Variants in CTNND2 observed in about 807,000 individuals in gnomAD.
CTNND2 encodes the protein catenin delta 2.
A neutral mutation model predicts 144.4 loss-of-function variants in CTNND2; 22 were observed. That is an observed-to-expected ratio of 0.15 (90% CI 0.11 to 0.22). The LOEUF is 0.22. CTNND2 is among the 10% of genes least tolerant of loss of function. The pLI, the probability that CTNND2 is intolerant of heterozygous loss-of-function variation, is 1.00. For synonymous variants in CTNND2, 751 were observed against 695.6 expected (o/e 1.08, Z -1.25); for missense variants, 1,353 against 1,618.8 (o/e 0.84, Z 2.82).
intron 9 of CTNND2, among the ~76,000 whole-genome samples, chr5:11,321,564 G>A (rs1380206737): frequency 4.6e-5 from 7 of 152,172 alleles, no homozygotes; most frequent in Non-Finnish European, 2.9e-5. Context: ...AAGGCATCTT[G>A]AGAATGATGT....
At chr5:11,809,940 C>G (rs187333446) in intron 1 of CTNND2, among the ~76,000 whole-genome samples, 5 of 152,250 alleles carry the variant, frequency 3.3e-5, no homozygotes, top group Admixed American at 1.3e-4. Context: ...TAAATGCTGG[C>G]CTTGAAAATC....
chr5:11,168,197 T>C (rs1045760259), intron 11 of CTNND2, among the ~76,000 whole-genome samples: 40 of 152,182 alleles, frequency 2.6e-4, no homozygotes, highest in African/African-American at 9.7e-4. Flanking sequence ...ATACATATCC[T>C]AGTTTCTTTA....
chr5:11,881,276 C>T (rs1282232176), intron 1 of CTNND2, among the ~76,000 whole-genome samples: 1 of 151,888 alleles, frequency 6.6e-6, no homozygotes, highest in African/African-American at 2.4e-5. Flanking sequence ...TCACTTCAAA[C>T]ATTTATTACT....
chr5:11,150,218 A>G (rs1757614990), intron 12 of CTNND2, among the ~76,000 whole-genome samples: 2 of 152,118 alleles, frequency 1.3e-5, no homozygotes, highest in South Asian at 4.1e-4. Flanking sequence ...GCACAGGGCA[A>G]TGGAAAAGAA....
intron 9 of CTNND2, among the ~76,000 whole-genome samples, chr5:11,279,889 A>G (rs1026204027): frequency 3.3e-5 from 5 of 152,150 alleles, no homozygotes; most frequent in African/African-American, 1.2e-4. Context: ...CTCACTCACT[A>G]TTGCGAGCCC....
At chr5:11,899,548 T>C (rs1432218315) in intron 1 of CTNND2, among the ~76,000 whole-genome samples, 2 of 152,126 alleles carry the variant, frequency 1.3e-5, no homozygotes, top group African/African-American at 4.8e-5. Flanking sequence ...ACAATAGGGG[T>C]TGGGGTAGGG....
intron 9 of CTNND2, among the ~76,000 whole-genome samples, chr5:11,244,276 T>C (rs1211943498): frequency 6.9e-6 from 1 of 145,332 alleles, no homozygotes; most frequent in Non-Finnish European, 1.5e-5. Context: ...AGCTGTCCTA[T>C]ACAATTTTTT....
At chr5:11,075,756 A>G (rs1257363550) in intron 16 of CTNND2, among the ~76,000 whole-genome samples, 1 of 152,250 alleles carries the variant, frequency 6.6e-6, no homozygotes. Context: ...AAGCATTACT[A>G]TTTCCTTTCC....
chr5:11,178,138 T>C (rs1051100524), intron 11 of CTNND2, among the ~76,000 whole-genome samples: 3 of 152,210 alleles, frequency 2.0e-5, no homozygotes, highest in Non-Finnish European at 2.9e-5. Flanking sequence ...CCTGCAATAG[T>C]GTTCAAGTAT....
At chr5:11,742,301 A>G (rs1413404593) in intron 1 of CTNND2, among the ~76,000 whole-genome samples, 1 of 152,104 alleles carries the variant, frequency 6.6e-6, no homozygotes, top group East Asian at 1.9e-4. Flanking sequence ...TTTAGTTTAG[A>G]GTAGCTAGAA....
chr5:11,432,584 G>T (rs1237379136), intron 3 of CTNND2, among the ~76,000 whole-genome samples: 1 of 152,200 alleles, frequency 6.6e-6, no homozygotes, highest in Non-Finnish European at 1.5e-5. Context: ...TGCTGTGGTG[G>T]TGAAGCGGGA....
chr5:11,580,594 G>A (rs1477781136), intron 2 of CTNND2, among the ~76,000 whole-genome samples: 2 of 152,106 alleles, frequency 1.3e-5, no homozygotes, highest in Admixed American at 1.3e-4. Context: ...TATGTGGATG[G>A]GATCTAGAAA....
chr5:11,327,337 G>T (rs976641713), intron 9 of CTNND2, among the ~76,000 whole-genome samples: 8 of 152,194 alleles, frequency 5.3e-5, no homozygotes, highest in Non-Finnish European at 1.0e-4. Flanking sequence ...AACTTAGGGG[G>T]ATTTGGCACG....
At chr5:11,139,210 C>G (rs1224297754) in intron 12 of CTNND2, among the ~76,000 whole-genome samples, 3 of 152,276 alleles carry the variant, frequency 2.0e-5, no homozygotes, top group Admixed American at 2.0e-4. Context: ...ATCCACTCAC[C>G]TCGGCCTCCC....
At chr5:11,351,979 T>C (rs183470320) in intron 8 of CTNND2, among the ~76,000 whole-genome samples, 1 of 152,308 alleles carries the variant, frequency 6.6e-6, no homozygotes, top group East Asian at 1.9e-4. Flanking sequence ...GCACCCAATC[T>C]GGCATATATC....
chr5:11,483,827 A>G (rs980941642), intron 3 of CTNND2, among the ~76,000 whole-genome samples: 2 of 152,244 alleles, frequency 1.3e-5, no homozygotes, highest in African/African-American at 2.4e-5. Context: ...CTGGAAGATC[A>G]GAGAGTGAAG....
intron 3 of CTNND2, among the ~76,000 whole-genome samples, chr5:11,493,179 C>A (rs894501002): frequency 2.0e-5 from 3 of 152,178 alleles, no homozygotes; most frequent in East Asian, 1.9e-4. Context: ...GAGTGACCTG[C>A]GTGGCCTTGC....
intron 9 of CTNND2, among the ~76,000 whole-genome samples, chr5:11,307,324 T>C (rs1443490675): frequency 1.3e-5 from 2 of 151,698 alleles, no homozygotes; most frequent in Non-Finnish European, 2.9e-5. Context: ...TGTGTGTGTG[T>C]GTGTGTGTGT....
In CTNND2 at chr5:11,601,861, G is replaced by A. The variant is rs186397843; in HGVS notation, c.175-36805C>T. 4.6e-3 allele frequency among the ~76,000 whole-genome samples: 700 copies of A among 151,982 alleles called. 3 individuals are homozygous for A. The highest frequency in any genetic ancestry group is 7.4e-3 in the Admixed American group (113 of 15,240). On this transcript the variant is annotated intron_variant, in intron 2 of 21. Coordinates refer to ENST00000304623, the MANE Select transcript of CTNND2 (RefSeq NM_001332.4). ...TCAGGCACACATTCAAATATGCTTC[G>A]GTACTTAGGTACTGCTCATTAAAGA...
Sources: allele counts gnomAD v4.1 joint callset (sites outside exome capture counted in the v4.1 genomes callset), GRCh38; gene constraint gnomAD v4.1.1; transcripts MANE v1.5; gene names NCBI Gene and HGNC (gene_info 2026-07-23, HGNC 2026-07-21).